Variants in PRKAG2 observed in about 807,000 individuals in gnomAD.
The protein encoded by PRKAG2 is 5'-AMP-activated protein kinase subunit gamma-2.
A neutral mutation model predicts 69.6 loss-of-function variants in PRKAG2; 26 were observed. That is an observed-to-expected ratio of 0.37 (90% confidence interval 0.27 to 0.52). The LOEUF (loss-of-function observed/expected upper bound fraction) is 0.52, where lower values mean the gene tolerates loss of function less well. Among genes scored for constraint, PRKAG2 ranks in the 20% least tolerant of loss-of-function variants. The pLI, the probability that PRKAG2 is intolerant of heterozygous loss-of-function variation, is 0.90. For missense variants in PRKAG2, 557 were observed against 740.0 expected (o/e 0.75, Z 2.87); for synonymous variants, 293 against 285.0 (o/e 1.03, Z -0.28).
chr7:151,834,785 G>A (rs1182789065), intron 1 of PRKAG2, among the ~76,000 whole-genome samples: 1 of 152,230 alleles, frequency 6.6e-6, no homozygotes, highest in Non-Finnish European at 1.5e-5. Context: ...AGTCTCCTGG[G>A]GGGCTTTGAA....
chr7:151,570,035 T>C (rs1417698320), intron 10 of PRKAG2, 136 bp downstream of exon 10: 4 of 1,005,890 alleles, frequency 4.0e-6, no homozygotes, highest in Non-Finnish European at 5.8e-6. Flanking sequence ...ACTGAATGCG[T>C]ACAGTGTAGC....
At chr7:151,642,298 G>A (rs1026376427) in intron 4 of PRKAG2, among the ~76,000 whole-genome samples, 5 of 152,026 alleles carry the variant, frequency 3.3e-5, no homozygotes, top group South Asian at 2.1e-4. Context: ...AGCCAAGATC[G>A]CGCCACTGCA....
intron 1 of PRKAG2, among the ~76,000 whole-genome samples, chr7:151,857,462 A>T (rs904372351): frequency 4.0e-5 from 6 of 151,372 alleles, no homozygotes; most frequent in African/African-American, 1.5e-4. Context: ...AAATGGTTGG[A>T]AAGCAACAGC....
At chr7:151,795,846 C>CATATAGATATAT (rs1491280551) in intron 1 of PRKAG2, among the ~76,000 whole-genome samples, 1 of 56,792 alleles carries the variant, frequency 1.8e-5, no homozygotes, top group African/African-American at 6.8e-5. Flanking sequence ...AAACAAATCT[C>CATATAGATATAT]ATATATATAT....
At chr7:151,736,475 C>G (rs117397400) in intron 3 of PRKAG2, 7 of 864,440 alleles carry the variant, frequency 8.1e-6, no homozygotes, top group Non-Finnish European at 9.7e-6. Context: ...CATGTGCAGC[C>G]GTGCATGATG....
intron 1 of PRKAG2, among the ~76,000 whole-genome samples, chr7:151,846,687 A>G (rs1304888327): frequency 6.6e-6 from 1 of 152,052 alleles, no homozygotes; most frequent in East Asian, 1.9e-4. Flanking sequence ...CATGTGGATG[A>G]GTGTTTGGAC....
At chr7:151,797,491 T>C (rs2077614558) in intron 1 of PRKAG2, among the ~76,000 whole-genome samples, 1 of 152,128 alleles carries the variant, frequency 6.6e-6, no homozygotes, top group Non-Finnish European at 1.5e-5. Context: ...CTACCCAAGA[T>C]GTGGCTTTGG....
chr7:151,839,738 A>G (rs55858267), intron 1 of PRKAG2, among the ~76,000 whole-genome samples: 5,085 of 152,276 alleles, frequency 0.033, 127 homozygotes, highest in African/African-American at 0.064. Context: ...TCCATAGCCC[A>G]AGGGTGCTGA....
At chr7:151,720,916 A>G (rs1796979258) in intron 3 of PRKAG2, among the ~76,000 whole-genome samples, 2 of 85,680 alleles carry the variant, frequency 2.3e-5, no homozygotes, top group African/African-American at 4.7e-5. Flanking sequence ...GGTGGGGGGA[A>G]TGGAGGGGGA....
At chr7:151,703,845 A>AAAACACACACAC (rs1838125393) in intron 3 of PRKAG2, among the ~76,000 whole-genome samples, 1 of 88,494 alleles carries the variant, frequency 1.1e-5, no homozygotes, top group African/African-American at 4.6e-5. Flanking sequence ...TTTACTGGAA[A>AAAACACACACAC]ACACACACAC....
rs140148824 is a variant in PRKAG2, at chr7:151,751,446, A to G, written c.466+29706T>C. On this transcript the variant is annotated intron_variant, in intron 3 of 15. Transcript: ENST00000287878. ...GATGCCATATTTTTTTTACAGCTAC[A>G]TGGTACTCTGCTATGTAGCTGTAAC... Among the ~76,000 whole-genome samples, 862 of 151,724 alleles carry G rather than the reference A, an allele frequency of 5.7e-3. 1 individual carries two copies. The highest frequency in any genetic ancestry group is 0.011 in the African/African-American group (460 of 41,356).
chr7:151,846,384 C>A (rs1969558), intron 1 of PRKAG2, among the ~76,000 whole-genome samples: 21,013 of 152,142 alleles, frequency 0.14, 1,488 homozygotes, highest in East Asian at 0.28. Flanking sequence ...AGGAGAATCA[C>A]TTGAAACCGG....
intron 3 of PRKAG2, among the ~76,000 whole-genome samples, chr7:151,754,048 T>G (rs1488126078): frequency 6.6e-6 from 1 of 152,104 alleles, no homozygotes; most frequent in Non-Finnish European, 1.5e-5. Flanking sequence ...ACAGTGGGCC[T>G]GTGTGTTAAG....
At chr7:151,740,038 C>T (rs1051145511) in intron 3 of PRKAG2, among the ~76,000 whole-genome samples, 1 of 152,204 alleles carries the variant, frequency 6.6e-6, no homozygotes, top group Non-Finnish European at 1.5e-5. Context: ...GCCCAGGCCT[C>T]ACCCGTTGTG....
chr7:151,569,531 C>A (rs1326439774), intron 10 of PRKAG2, among the ~76,000 whole-genome samples: 1 of 152,244 alleles, frequency 6.6e-6, no homozygotes, highest in Non-Finnish European at 1.5e-5. Flanking sequence ...GCAGGGCCAA[C>A]ATTTCTGTTC....
chr7:151,876,631 A>G lies in PRKAG2; in HGVS notation c.-11T>C, dbSNP rs1010536697. 5 of 1,606,666 alleles carry G rather than the reference A, an allele frequency of 3.1e-6. No homozygotes were observed. Among genetic ancestry groups the G allele is most frequent in the Non-Finnish European group, 4.2e-6 (5 of 1,179,236 alleles). On this transcript the variant is annotated 5_prime_UTR_variant, in exon 1 of 16. Transcript: ENST00000287878. ...AACCGCGCTTCCCATAACTCTAACC[A>G]GAAGTTGATTCTGCGAAACTCCTCG... is the stretch of plus-strand genomic sequence containing the variant.
chr7:151,629,200 G>A (rs1165790823), intron 5 of PRKAG2, among the ~76,000 whole-genome samples: 3 of 152,144 alleles, frequency 2.0e-5, no homozygotes, highest in African/African-American at 7.2e-5. Context: ...CATAACACCC[G>A]CAAAGGCTAA....
chr7:151,852,170 G>T (rs997605267), intron 1 of PRKAG2, among the ~76,000 whole-genome samples: 1 of 152,108 alleles, frequency 6.6e-6, no homozygotes, highest in African/African-American at 2.4e-5. Flanking sequence ...GGCACTGGTC[G>T]GGGGTCCCTG....
chr7:151,782,704 C>A (rs997444054), intron 2 of PRKAG2, among the ~76,000 whole-genome samples: 1 of 152,162 alleles, frequency 6.6e-6, no homozygotes, highest in Non-Finnish European at 1.5e-5. Context: ...TTGGTCTCAC[C>A]GAGCCTCAGC....
Sources: gnomAD v4.1 joint callset for allele counts (sites outside exome capture counted in the v4.1 genomes callset) on GRCh38, gnomAD v4.1.1 for gene constraint, MANE v1.5 for transcripts, NCBI Gene and HGNC (gene_info 2026-07-23, HGNC 2026-07-21) for gene names.